VPS13B: variants seen among roughly 807,000 people sequenced by gnomAD.
The protein encoded by VPS13B is vacuolar protein sorting 13 homolog B, also known as intermembrane lipid transfer protein VPS13B.
A neutral mutation model predicts 426.4 loss-of-function variants in VPS13B; 285 were observed. That is an observed-to-expected ratio of 0.67 (90% CI 0.61 to 0.74). The LOEUF is 0.74. Among genes scored for constraint, VPS13B ranks in the 30% least tolerant of loss-of-function variants. The probability of loss-of-function intolerance (pLI) is 0.00; values close to 1 mark genes in which losing one functional copy is unlikely to be tolerated. For missense variants in VPS13B, 4,537 were observed against 4,782.6 expected, an observed-to-expected ratio of 0.95 and a Z score of 1.51; for synonymous variants, 1,676 against 1,676.4, an observed-to-expected ratio of 1.00 and a Z score of 0.01.
chr8:99,537,259 G>A (rs1400689051), intron 30 of VPS13B, among the ~76,000 whole-genome samples: 1 of 151,924 alleles, frequency 6.6e-6, no homozygotes, highest in Non-Finnish European at 1.5e-5. Flanking sequence ...TAAAGTATAG[G>A]CATGTTTGAA....
chr8:99,049,986 CT>C (rs1469949533), intron 3 of VPS13B, among the ~76,000 whole-genome samples: 2 of 149,164 alleles, frequency 1.3e-5, no homozygotes, highest in African/African-American at 4.9e-5. Flanking sequence ...AGCATTTTGC[CT>C]TTCCTTCTTT....
chr8:99,263,309 G>A (rs1331580523), intron 17 of VPS13B, among the ~76,000 whole-genome samples: 1 of 152,060 alleles, frequency 6.6e-6, no homozygotes, highest in Non-Finnish European at 1.5e-5. Flanking sequence ...TCTGTGTTAG[G>A]CAGGAGTATG....
chr8:99,510,205 T>A (rs1563768473), intron 28 of VPS13B, among the ~76,000 whole-genome samples: 1 of 152,230 alleles, frequency 6.6e-6, no homozygotes, highest in Non-Finnish European at 1.5e-5. Context: ...TTTATTTAGT[T>A]CAGTTATCAA....
At chr8:99,593,039 C>T (rs893836543) in intron 33 of VPS13B, among the ~76,000 whole-genome samples, 4 of 151,910 alleles carry the variant, frequency 2.6e-5, no homozygotes, top group African/African-American at 9.7e-5. Flanking sequence ...GAAAGTAACC[C>T]AACAAAAGCA....
At chr8:99,479,765 G>A (rs565635312) in intron 24 of VPS13B, among the ~76,000 whole-genome samples, 52 of 152,110 alleles carry the variant, frequency 3.4e-4, no homozygotes, top group Non-Finnish European at 7.4e-4. Context: ...ACAGCATCCT[G>A]TCATGTGAAT....
In VPS13B at chr8:99,151,686, A is replaced by G. The variant is rs1190263019; in HGVS notation, c.2013+3676A>G. Among the ~76,000 whole-genome samples, 2 of 152,006 alleles carry G rather than the reference A, an allele frequency of 1.3e-5. 1 individual carries two copies. The highest frequency in any genetic ancestry group is 2.9e-5 in the Non-Finnish European group (2 of 67,994). ...GTATCTGGGATTACAAGCATGTGCC[A>G]CCATGCCTGGCTAATTTTGTATTTT... On this transcript the variant is annotated intron_variant, in intron 14 of 61. Transcript: ENST00000357162.
At chr8:99,053,675 C>CTT (rs1171107732) in intron 3 of VPS13B, among the ~76,000 whole-genome samples, 2 of 132,228 alleles carry the variant, frequency 1.5e-5, no homozygotes, top group Non-Finnish European at 3.3e-5. Flanking sequence ...TTTTTTTTTC[C>CTT]TTTTTTTTTT....
intron 14 of VPS13B, among the ~76,000 whole-genome samples, chr8:99,152,300 A>G (rs914628159): frequency 1.3e-5 from 2 of 152,136 alleles, no homozygotes; most frequent in Non-Finnish European, 2.9e-5. Flanking sequence ...TTAATGTCCA[A>G]GTATTTTGAC....
chr8:99,116,813 A>G (rs575154797), intron 7 of VPS13B, among the ~76,000 whole-genome samples: 2 of 152,338 alleles, frequency 1.3e-5, no homozygotes, highest in Non-Finnish European at 2.9e-5. Flanking sequence ...ATTTTTCTGC[A>G]AAAGTTCACT....
chr8:99,832,339 G>A (rs1815111123), intron 51 of VPS13B, 30 bp from the exon 52 acceptor site: 7 of 1,328,622 alleles, frequency 5.3e-6, no homozygotes, highest in Non-Finnish European at 6.9e-6. Flanking sequence ...TGTGCTCTCT[G>A]CATTTTTTTT....
intron 51 of VPS13B, 25 bp downstream of exon 51, chr8:99,824,003 T>A (rs1202524251): frequency 6.2e-7 from 1 of 1,608,560 alleles, no homozygotes; most frequent in South Asian, 1.1e-5. Flanking sequence ...ACGATTCTTT[T>A]GTCTAAGTTT....
In VPS13B at chr8:99,063,803, G is replaced by C. The variant is rs1393215182; in HGVS notation, c.291+25237G>C. On this transcript the variant is annotated intron_variant, in intron 3 of 61. Transcript: ENST00000357162. Reference sequence around the variant, plus strand: ...CCTGACCCCTGTGTAGCCTAACTGGGAGACACCTCCCAGTAGGGGCCAACT... The same window carrying C: ...CCTGACCCCTGTGTAGCCTAACTGGCAGACACCTCCCAGTAGGGGCCAACT... Among the ~76,000 whole-genome samples the C allele has an allele frequency of 1.3e-5, 2 of 152,292 alleles. 1 individual carries two copies. Among genetic ancestry groups the C allele is most frequent in the Middle Eastern group, 6.8e-3 (2 of 294 alleles).
At chr8:99,304,189 G>A (rs1236511983) in intron 19 of VPS13B, among the ~76,000 whole-genome samples, 2 of 152,112 alleles carry the variant, frequency 1.3e-5, no homozygotes, top group African/African-American at 4.8e-5. Flanking sequence ...TGTAATTAAA[G>A]CATTTAGAAT....
At chr8:99,683,209 T>C (rs1434943196) in intron 35 of VPS13B, among the ~76,000 whole-genome samples, 4 of 152,186 alleles carry the variant, frequency 2.6e-5, no homozygotes, top group African/African-American at 9.7e-5. Context: ...TCCACTGAGG[T>C]ACATATACCC....
At chr8:99,754,976 T>C (rs545839378) in intron 39 of VPS13B, among the ~76,000 whole-genome samples, 1 of 152,076 alleles carries the variant, frequency 6.6e-6, no homozygotes, top group African/African-American at 2.4e-5. Context: ...CTTGAGGCAG[T>C]GGGAACCAGT....
Position 99,784,388 on chromosome 8 carries a change from G to A in VPS13B, c.7853G>A (p.Arg2618Gln), listed in dbSNP as rs569563358. 24 of 1,613,696 alleles carry A rather than the reference G, an allele frequency of 1.5e-5. No homozygotes were observed. The highest frequency in any genetic ancestry group is 1.9e-5 in the Non-Finnish European group (23 of 1,179,688). Residue 2618 changes from arginine (R) to glutamine (Q), a missense_variant, in exon 43 of 62, where the codon CGG becomes CAG. Physicochemically the swap from Arg to Gln is conservative, Grantham distance 43. This residue lies in a region of VPS13B where 4,311 missense variants were observed against 4,474.3 expected (regional missense o/e 0.96). Transcript: ENST00000357162. ...VICNDTQETLRFGQVDTDENI... is the reference protein window; with the variant it reads ...VICNDTQETLQFGQVDTDENI... ...TGTAATGACACACAGGAGACACTGCGGTTTGGCCAGGTGGATACTGATGAA... is the reference window on the plus strand; with the variant it reads ...TGTAATGACACACAGGAGACACTGCAGTTTGGCCAGGTGGATACTGATGAA...
At chr8:99,870,636 A>C (rs1394729006) in intron 59 of VPS13B, 149 bp from the exon 60 acceptor site, 1 of 696,752 alleles carries the variant, frequency 1.4e-6, no homozygotes, top group Non-Finnish European at 2.6e-6. Context: ...GTAATGTTTA[A>C]TGATTATCTA....
intron 21 of VPS13B, among the ~76,000 whole-genome samples, chr8:99,405,692 A>T (rs996114336): frequency 1.3e-4 from 20 of 151,358 alleles, no homozygotes; most frequent in Non-Finnish European, 2.7e-4. Context: ...ATCTTATCTA[A>T]CCTCCATTAG....
intron 36 of VPS13B, among the ~76,000 whole-genome samples, chr8:99,706,009 T>A (rs1229234126): frequency 6.6e-6 from 1 of 152,152 alleles, no homozygotes; most frequent in Admixed American, 6.6e-5. Flanking sequence ...TAACCATCTC[T>A]GACTTTTTCT....
Sources: allele counts gnomAD v4.1 joint callset (sites outside exome capture counted in the v4.1 genomes callset), GRCh38; gene constraint gnomAD v4.1.1; regional missense constraint gnomAD v4.1.1; transcripts MANE v1.5; gene names NCBI Gene and HGNC (gene_info 2026-07-23, HGNC 2026-07-21).